R3HDM1: variants seen among roughly 807,000 people sequenced by gnomAD.
R3HDM1 encodes R3H domain containing 1, also known as R3H domain-containing protein 1.
R3HDM1 carries 46 observed loss-of-function variants against 141.1 expected under a neutral mutation model. The observed-to-expected ratio is 0.33, with a 90% CI of 0.26 to 0.42. The LOEUF is 0.42. Among genes scored for constraint, R3HDM1 ranks in the 10% least tolerant of loss-of-function variants. The pLI is 1.00. For missense variants in R3HDM1, 1,184 were observed against 1,368.3 expected (o/e 0.87, Z 2.12); for synonymous variants, 435 against 472.9 (o/e 0.92, Z 1.04).
Position 135,651,818 on chromosome 2 carries a change from A to G in R3HDM1, c.1814A>G (p.Gln605Arg), listed in dbSNP as rs759188129. 1 of 1,614,082 alleles carries G rather than the reference A, an allele frequency of 6.2e-7. No individual in the cohort carries two copies. The highest frequency in any genetic ancestry group is 2.2e-5 in the East Asian group (1 of 44,872). Reference sequence around the variant, plus strand: ...TCTGACCCTCATGCCGCCATGTTCCAGTCCACTGTGGTTCTTCAGTCTCCA... The same window carrying G: ...TCTGACCCTCATGCCGCCATGTTCCGGTCCACTGTGGTTCTTCAGTCTCCA... ...DGSDPHAAMF[Q>R]STVVLQSPQQ... The change falls in exon 18 of 27, where the codon CAG becomes CGG. Residue 605 changes from glutamine (Q) to arginine (R), a missense_variant. By Grantham distance (43) the Gln-to-Arg change is conservative. Around this residue, in one of 5 missense-constraint regions of R3HDM1, gnomAD observed 563 missense variants for 562.0 expected, o/e 1.00. Coordinates refer to ENST00000683871, the MANE Select transcript of R3HDM1 (RefSeq NM_001378107.1).
At chr2:135,709,404 A>G in intron 21 of R3HDM1, 29 bp from the exon 22 acceptor site, 2 of 1,612,976 alleles carry the variant, frequency 1.2e-6, no homozygotes, top group African/African-American at 1.3e-5. Context: ...TCCTCCTCTC[A>G]TTATGCTGTT....
At chr2:135,682,564 T>C (rs904714689) in intron 21 of R3HDM1, among the ~76,000 whole-genome samples, 3 of 152,206 alleles carry the variant, frequency 2.0e-5, no homozygotes, top group African/African-American at 7.2e-5. Flanking sequence ...GGAAAGATCC[T>C]TGGTTTTAGT....
chr2:135,624,015 A>G (rs2105186907), intron 7 of R3HDM1, among the ~76,000 whole-genome samples: 1 of 152,332 alleles, frequency 6.6e-6, no homozygotes, highest in South Asian at 2.1e-4. Context: ...CATTTGAGAT[A>G]GAGACTAGAG....
Position 135,680,310 on chromosome 2 carries a change from A to G in R3HDM1, c.2445A>G (p.Gln815=), listed in dbSNP as rs377642723. Residue 815 remains glutamine, a synonymous_variant, in exon 21 of 27, where the codon CAA becomes CAG. Coordinates refer to ENST00000683871, the MANE Select transcript of R3HDM1 (RefSeq NM_001378107.1). ...PVYYSVIPPG[Q]QNNLSSSVGY... is the part of the protein sequence containing the mutation. The stretch of plus-strand genomic sequence containing the variant: ...ACTATAGTGTCATTCCACCTGGTCA[A>G]CAAAACAATTTAAGGTGAGTATGAC... 34 of 1,613,948 alleles carry G rather than the reference A, an allele frequency of 2.1e-5. No individual in the cohort carries two copies. Among genetic ancestry groups the G allele is most frequent in the Non-Finnish European group, 2.6e-5 (31 of 1,179,968 alleles).
intron 21 of R3HDM1, among the ~76,000 whole-genome samples, chr2:135,684,417 G>T (rs2070977527): frequency 6.6e-6 from 1 of 152,138 alleles, no homozygotes; most frequent in African/African-American, 2.4e-5. Context: ...TCAAAGGCCA[G>T]CTTGCACATG....
At chr2:135,620,867 A>G (rs1023959996) in intron 5 of R3HDM1, among the ~76,000 whole-genome samples, 30 of 152,082 alleles carry the variant, frequency 2.0e-4, no homozygotes, top group African/African-American at 7.2e-4. Flanking sequence ...TGGTTACTTT[A>G]CAATTAAACA....
At chr2:135,680,694 C>T (rs773771750) in intron 21 of R3HDM1, among the ~76,000 whole-genome samples, 1 of 152,154 alleles carries the variant, frequency 6.6e-6, no homozygotes, top group Non-Finnish European at 1.5e-5. Context: ...CTTTTGAACC[C>T]GGGAGGCAGA....
In R3HDM1 at chr2:135,532,562, A is replaced by AATAT. The variant is rs34099775; in HGVS notation, c.-250+942_-250+945dup. On this transcript the variant is annotated intron_variant, in intron 1 of 26. Transcript: ENST00000683871. Reference sequence around the variant, plus strand: ...ATGGTTTTTCTAATAAAATTTTCTAAATATATATATATATATCTTCATGGT... The same window carrying AATAT: ...ATGGTTTTTCTAATAAAATTTTCTAAATATATATATATATATATATCTTCATGGT... Among the ~76,000 whole-genome samples, 509 of 150,484 alleles carry AATAT rather than the reference A, an allele frequency of 3.4e-3. 5 individuals are homozygous for AATAT. In the Middle Eastern group the frequency reaches 0.037, roughly 11 times the overall value.
chr2:135,711,500 A>G (rs2075622781), intron 23 of R3HDM1, among the ~76,000 whole-genome samples: 1 of 151,784 alleles, frequency 6.6e-6, no homozygotes, highest in Admixed American at 6.6e-5. Flanking sequence ...TGTCTCTATA[A>G]AAAATACAAA....
chr2:135,558,481 A>G (rs1488751304), intron 1 of R3HDM1, among the ~76,000 whole-genome samples: 1 of 150,884 alleles, frequency 6.6e-6, no homozygotes, highest in Admixed American at 6.7e-5. Context: ...ATATCTTATA[A>G]TAAATAACCT....
At chr2:135,662,816 A>C (rs2066900478) in intron 19 of R3HDM1, among the ~76,000 whole-genome samples, 1 of 152,172 alleles carries the variant, frequency 6.6e-6, no homozygotes, top group African/African-American at 2.4e-5. Context: ...CTGGACCTCA[A>C]GTAATAGAAT....
At chr2:135,588,217 A>G (rs1329923130) in intron 1 of R3HDM1, among the ~76,000 whole-genome samples, 1 of 150,720 alleles carries the variant, frequency 6.6e-6, no homozygotes, top group South Asian at 2.1e-4. Flanking sequence ...GTCTCTGTCC[A>G]TCATTCCCTC....
At chr2:135,608,273 G>A (rs542991447) in intron 3 of R3HDM1, among the ~76,000 whole-genome samples, 5 of 152,006 alleles carry the variant, frequency 3.3e-5, no homozygotes, top group African/African-American at 7.2e-5. Flanking sequence ...CCGAGATCAC[G>A]CCACTGCACC....
At chr2:135,669,093 A>G (rs2067939885) in intron 19 of R3HDM1, 1 of 960,520 alleles carries the variant, frequency 1.0e-6, no homozygotes, top group South Asian at 4.8e-5. Flanking sequence ...CCTAGACTGG[A>G]GTGCAGTGGC....
rs765418924 is a variant in R3HDM1, at chr2:135,709,492, C to T, written c.2519C>T (p.Thr840Ile). 1 of 1,614,178 alleles carries T rather than the reference C, an allele frequency of 6.2e-7. No homozygotes were observed. The highest frequency in any genetic ancestry group is 8.5e-7 in the Non-Finnish European group (1 of 1,180,012). ...GAACAAGTACAATTTCCTCGAACCA[C>T]TTCACCATGCAGTTCCCAGCAGCTT... The part of the protein sequence containing the change: ...GSEQVQFPRT[T>I]SPCSSQQLQG... The change falls in exon 22 of 27, where the codon ACT becomes ATT. Residue 840 changes from threonine (T) to isoleucine (I), a missense_variant. By Grantham distance (89) the Thr-to-Ile change is moderately conservative. Around this residue, in one of 5 missense-constraint regions of R3HDM1, gnomAD observed 563 missense variants for 562.0 expected, o/e 1.00. Coordinates refer to ENST00000683871, the MANE Select transcript of R3HDM1 (RefSeq NM_001378107.1).
chr2:135,571,753 C>T (rs748633995), intron 1 of R3HDM1, among the ~76,000 whole-genome samples: 6 of 151,952 alleles, frequency 3.9e-5, no homozygotes, highest in East Asian at 1.9e-4. Context: ...CAACCCCCAA[C>T]GGAGCTGGGA....
chr2:135,646,953 A>C (rs1295388908), intron 16 of R3HDM1, among the ~76,000 whole-genome samples: 3 of 152,014 alleles, frequency 2.0e-5, no homozygotes, highest in African/African-American at 4.8e-5. Context: ...CTCACAAATG[A>C]TATCATTTGT....
intron 20 of R3HDM1, among the ~76,000 whole-genome samples, chr2:135,678,718 A>G (rs1273743744): frequency 2.0e-5 from 3 of 150,362 alleles, no homozygotes; most frequent in Non-Finnish European, 2.9e-5. Context: ...TATTAACGTC[A>G]TCATCATCAT....
chr2:135,670,688 T>C (rs2068209342), intron 19 of R3HDM1, among the ~76,000 whole-genome samples: 1 of 152,190 alleles, frequency 6.6e-6, no homozygotes, highest in Admixed American at 6.5e-5. Flanking sequence ...GTTTGTATTT[T>C]TTTCCAAATT....
Sources: allele counts gnomAD v4.1 joint callset (sites outside exome capture counted in the v4.1 genomes callset), GRCh38; gene constraint gnomAD v4.1.1; regional missense constraint gnomAD v4.1.1; transcripts MANE v1.5; gene names NCBI Gene and HGNC (gene_info 2026-07-23, HGNC 2026-07-21).